GUCY2C: variants seen among roughly 807,000 people sequenced by gnomAD.
GUCY2C encodes the protein guanylyl cyclase C.
A neutral mutation model predicts 131.1 loss-of-function variants in GUCY2C; 118 were observed. The ratio of observed to expected loss-of-function variants is 0.90; its 90% CI spans 0.78 to 1.05. The LOEUF (loss-of-function observed/expected upper bound fraction) is 1.05. GUCY2C is among the 50% of genes least tolerant of loss of function. The probability of loss-of-function intolerance (pLI) is 0.00; values close to 1 mark genes in which losing one functional copy is unlikely to be tolerated. For synonymous variants in GUCY2C, 452 were observed against 457.8 expected, an observed-to-expected ratio of 0.99 and a Z score of 0.16; for missense variants, 1,161 against 1,304.4, an observed-to-expected ratio of 0.89 and a Z score of 1.69.
chr12:14,617,114 A>G (rs1768744701), intron 24 of GUCY2C, among the ~76,000 whole-genome samples: 1 of 152,138 alleles, frequency 6.6e-6, no homozygotes, highest in Non-Finnish European at 1.5e-5. Context: ...CTTTTGCTGT[A>G]TGAAGTGCCT....
In GUCY2C at chr12:14,621,051, C is replaced by G. The variant is rs1238254408; in HGVS notation, c.2767G>C (p.Val923Leu). 1 of 1,613,310 alleles carries G rather than the reference C, an allele frequency of 6.2e-7. No homozygotes were observed. Among genetic ancestry groups the G allele is most frequent in the Non-Finnish European group, 8.5e-7 (1 of 1,179,558 alleles). The change falls in exon 23 of 27, where the codon GTT becomes CTT. Residue 923 changes from valine to leucine, a missense_variant. Transcript: ENST00000261170. ...ATGCTCAACTCCATACCAGAGTGAA[C>G]TCCAATGCGAATCCATATTGGGAGG... ...PGLPIWIRIG[V>L]HSGPCAAGVV...
intron 15 of GUCY2C, 119 bp downstream of exon 15, chr12:14,651,288 T>A: frequency 1.7e-6 from 1 of 596,160 alleles, no homozygotes; most frequent in Non-Finnish European, 3.0e-6. Flanking sequence ...TTGGAAAGCA[T>A]GTGACCCCAC....
intron 20 of GUCY2C, among the ~76,000 whole-genome samples, chr12:14,626,566 T>A (rs2136991741): frequency 6.6e-6 from 1 of 152,208 alleles, no homozygotes; most frequent in African/African-American, 2.4e-5. Flanking sequence ...GTGTTTAGAG[T>A]TAACAACAGA....
chr12:14,614,923 G>A lies in GUCY2C; in HGVS notation c.2991C>T (p.Thr997=). The change falls in exon 26 of 27, where the codon ACC becomes ACT. Residue 997 remains threonine (T), a synonymous_variant. Transcript: ENST00000261170. ...TYLKGRGNET[T]YWLTGMKDQK... is the part of the protein sequence containing the mutation. ...GGTCCTTCATCCCAGTCAGCCAGTA[G>A]GTAGTCTCATTTCCTCTTCCCTGGT... The A allele has an allele frequency of 2.5e-6, 4 of 1,581,116 alleles. No homozygotes were observed. The highest frequency in any genetic ancestry group is 3.4e-6 in the Non-Finnish European group (4 of 1,166,244).
At chr12:14,661,762 A>G (rs1181972337) in intron 10 of GUCY2C, among the ~76,000 whole-genome samples, 1 of 152,310 alleles carries the variant, frequency 6.6e-6, no homozygotes, top group East Asian at 1.9e-4. Context: ...TACAGAGCAC[A>G]TGCCGGAAGA....
rs555033637 is a variant in GUCY2C at position 14,672,016 on chromosome 12, C to G, written c.1170+857G>C. 2.0e-5 allele frequency among the ~76,000 whole-genome samples: 3 copies of G among 151,916 alleles called. No individual in the cohort carries two copies. The East Asian group carries it at 5.8e-4, about 29-fold the overall frequency. On this transcript the variant is annotated intron_variant, in intron 9 of 26. Transcript: ENST00000261170. ...CATTTTCCATTGCAGATATCTTTTA[C>G]AAAGCTGGGTTGATGTACACATTTA...
intron 19 of GUCY2C, among the ~76,000 whole-genome samples, chr12:14,628,992 G>A (rs533595714): frequency 2.6e-5 from 4 of 152,124 alleles, no homozygotes; most frequent in Non-Finnish European, 2.9e-5. Flanking sequence ...GGGTTGATAC[G>A]GGAGACTAAG....
Position 14,619,301 on chromosome 12 carries a change from C to A in GUCY2C, c.2785G>T (p.Ala929Ser). 1 of 1,606,942 alleles carries A rather than the reference C, an allele frequency of 6.2e-7. No individual in the cohort carries two copies. The highest frequency in any genetic ancestry group is 8.5e-7 in the Non-Finnish European group (1 of 1,173,518). ...IRIGVHSGPCAAGVVGIKMPR... is the reference protein window; with the variant it reads ...IRIGVHSGPCSAGVVGIKMPR... ...ATCTTGATTCCCACAACTCCAGCAG[C>A]ACAGGGACCTGAAATGAAGGACAGA... is the stretch of plus-strand genomic sequence containing the variant. The change falls in exon 24 of 27, where the codon GCT (alanine) becomes TCT (serine). Residue 929 changes from alanine (A) to serine (S), a missense_variant. Ala to Ser is a moderately conservative substitution (Grantham distance 99). Transcript: ENST00000261170.
intron 2 of GUCY2C, among the ~76,000 whole-genome samples, chr12:14,686,998 G>C (rs1221990686): frequency 6.6e-6 from 1 of 152,112 alleles, no homozygotes; most frequent in African/African-American, 2.4e-5. Context: ...TATTAAGGGG[G>C]TGCATTGCAC....
intron 10 of GUCY2C, among the ~76,000 whole-genome samples, chr12:14,668,368 A>C (rs1052939793): frequency 6.6e-6 from 1 of 152,126 alleles, no homozygotes; most frequent in East Asian, 1.9e-4. Context: ...ACGGAGTTTC[A>C]CCATGTTGGT....
intron 9 of GUCY2C, among the ~76,000 whole-genome samples, chr12:14,671,598 T>A (rs1037111756): frequency 1.3e-5 from 2 of 152,234 alleles, no homozygotes; most frequent in African/African-American, 4.8e-5. Flanking sequence ...ACATGTTATA[T>A]AGCACAACCG....
At chr12:14,695,380 G>T (rs746736906) in intron 1 of GUCY2C, among the ~76,000 whole-genome samples, 1 of 151,992 alleles carries the variant, frequency 6.6e-6, no homozygotes, top group Non-Finnish European at 1.5e-5. Context: ...TATTAACTAT[G>T]TCTAGTAATC....
chr12:14,662,710 G>A (rs927960128), intron 10 of GUCY2C, among the ~76,000 whole-genome samples: 41 of 150,510 alleles, frequency 2.7e-4, no homozygotes, highest in Non-Finnish European at 8.9e-5. Flanking sequence ...ATGTTATCAC[G>A]GTATACAATT....
intron 10 of GUCY2C, among the ~76,000 whole-genome samples, chr12:14,664,344 T>C (rs1947926949): frequency 6.6e-6 from 1 of 152,100 alleles, no homozygotes; most frequent in Non-Finnish European, 1.5e-5. Flanking sequence ...TTTTCAACAG[T>C]GTAGATAATC....
chr12:14,624,083 AG>A (rs1321085620), intron 21 of GUCY2C, among the ~76,000 whole-genome samples: 1 of 152,204 alleles, frequency 6.6e-6, no homozygotes, highest in African/African-American at 2.4e-5. Flanking sequence ...CTTTGATAAC[AG>A]GTTGTTGCTG....
intron 19 of GUCY2C, among the ~76,000 whole-genome samples, chr12:14,637,324 G>T (rs993095570): frequency 6.6e-6 from 1 of 151,948 alleles, no homozygotes; most frequent in Non-Finnish European, 1.5e-5. Context: ...CATGCTCATG[G>T]ATTGGAAGAG....
rs1229122268 is a variant in GUCY2C at position 14,669,776 on chromosome 12, T to C, written c.1228A>G (p.Ser410Gly). ...GAGTTCTTCCAAGTGAATGTGGGGCTCATATCCACAGGATAGGTCTTATTT... is the reference window on the plus strand; with the variant it reads ...GAGTTCTTCCAAGTGAATGTGGGGCCCATATCCACAGGATAGGTCTTATTT... ...HVNKTYPVDM[S>G]PTFTWKNSKL... is the part of the protein sequence containing the mutation. The change falls in exon 10 of 27, where the codon AGC (serine) becomes GGC (glycine). Residue 410 changes from serine to glycine, a missense_variant. Transcript: ENST00000261170. 1 of 1,607,642 alleles carries C rather than the reference T, an allele frequency of 6.2e-7. No individual in the cohort carries two copies. The highest frequency in any genetic ancestry group is 2.2e-5 in the East Asian group (1 of 44,766).
chr12:14,628,829 C>T, intron 19 of GUCY2C, 92 bp from the exon 20 acceptor site: 3 of 753,792 alleles, frequency 4.0e-6, no homozygotes, highest in Admixed American at 4.0e-5. Flanking sequence ...GTGATTAAGG[C>T]AAGGAATAGT....
intron 19 of GUCY2C, among the ~76,000 whole-genome samples, chr12:14,633,965 A>C (rs1360950906): frequency 6.6e-6 from 1 of 152,228 alleles, no homozygotes; most frequent in Non-Finnish European, 1.5e-5. Flanking sequence ...AGGCGAAGAG[A>C]AAACAAAAGG....
Sources: allele counts gnomAD v4.1 joint callset (sites outside exome capture counted in the v4.1 genomes callset), GRCh38; gene constraint gnomAD v4.1.1; transcripts MANE v1.5; gene names NCBI Gene and HGNC (gene_info 2026-07-23, HGNC 2026-07-21).